Variants in TPRX1 observed in about 807,000 individuals in gnomAD.
TPRX1 encodes tetrapeptide repeat homeobox 1.
In TPRX1, 2 loss-of-function variants were observed where a neutral mutation model predicts 8.1. The observed-to-expected ratio is 0.25, with a 90% CI of 0.10 to 0.78. The LOEUF is 0.78. TPRX1 is among the 30% of genes least tolerant of loss of function. TPRX1 has a pLI of 0.70. For missense variants in TPRX1, 517 were observed against 586.9 expected, an observed-to-expected ratio of 0.88 and a Z score of 1.23; for synonymous variants, 257 against 254.1, an observed-to-expected ratio of 1.01 and a Z score of -0.11.
chr19:47,809,752 A>C (rs548056498), intron 2 of TPRX1, among the ~76,000 whole-genome samples: 4 of 152,056 alleles, frequency 2.6e-5, no homozygotes, highest in Non-Finnish European at 5.9e-5. Context: ...AGGACTCGTC[A>C]ACACCCTGCC....
At chr19:47,815,447 C>CCAGCCCACTGTGAGCTTTTCT (rs1568617524) in intron 2 of TPRX1, among the ~76,000 whole-genome samples, 4 of 149,358 alleles carry the variant, frequency 2.7e-5, no homozygotes, top group African/African-American at 9.7e-5. Context: ...GCCACCGCAC[C>CCAGCCCACTGTGAGCTTTTCT]TGGCTCAAAG....
chr19:47,811,419 G>A, intron 2 of TPRX1, among the ~76,000 whole-genome samples: 1 of 151,890 alleles, frequency 6.6e-6, no homozygotes, highest in East Asian at 1.9e-4. Context: ...AGTGTGAGCA[G>A]AGCCTTGTGG....
chr19:47,802,109 C>T (rs766511219), exon 4 of TPRX1: 2 of 1,585,904 alleles, frequency 1.3e-6, no homozygotes, highest in Non-Finnish European at 1.7e-6. Flanking sequence ...CGGGGCTAGG[C>T]CTGGAAGTGA....
At chr19:47,803,407 C>A (rs962460940) in intron 3 of TPRX1, 97 bp downstream of exon 2, 2 of 547,120 alleles carry the variant, frequency 3.7e-6, no homozygotes, top group Non-Finnish European at 6.7e-6. Flanking sequence ...CGTGGCAGGG[C>A]GGGAGGTGGT....
At chr19:47,816,800 G>A (rs1032260608) in intron 2 of TPRX1, among the ~76,000 whole-genome samples, 15 of 152,174 alleles carry the variant, frequency 9.9e-5, no homozygotes, top group African/African-American at 3.6e-4. Context: ...CCAAAGTGCT[G>A]GGATTACAGG....
At chr19:47,809,739 C>T (rs988110555) in intron 2 of TPRX1, among the ~76,000 whole-genome samples, 1 of 152,004 alleles carries the variant, frequency 6.6e-6, no homozygotes, top group African/African-American at 2.4e-5. Context: ...TGAATGCCAC[C>T]CTAGGACTCG....
intron 2 of TPRX1, among the ~76,000 whole-genome samples, chr19:47,811,524 C>T (rs1249115277): frequency 1.4e-4 from 20 of 138,166 alleles, no homozygotes; most frequent in African/African-American, 4.6e-4. Context: ...TTTGAGACAG[C>T]GTCTCACTCT....
chr19:47,815,121 T>TATATATATATGCAA (rs1177193922), intron 2 of TPRX1, among the ~76,000 whole-genome samples: 6 of 90,254 alleles, frequency 6.6e-5, no homozygotes, highest in South Asian at 3.8e-4. Flanking sequence ...AAATTATATA[T>TATATATATATGCAA]ATATATATAT....
chr19:47,814,248 T>C lies in TPRX1; in HGVS notation c.151+4220A>G, dbSNP rs868159076. On this transcript the variant is annotated intron_variant, in intron 2 of 3. Coordinates refer to ENST00000535759, the Ensembl canonical transcript of TPRX1. ...TTTTCGTATTTCAGTAGAGGCGGGG[T>C]TTCACCGTGTTGGCCAGGCTGGTCT... Among the ~76,000 whole-genome samples the C allele has an allele frequency of 4.0e-5, 6 of 151,150 alleles. No individual in the cohort carries two copies. In the South Asian group the frequency reaches 1.3e-3, roughly 32 times the overall value.
At chr19:47,817,988 G>A (rs969142279) in intron 2 of TPRX1, among the ~76,000 whole-genome samples, 3 of 152,230 alleles carry the variant, frequency 2.0e-5, no homozygotes, top group African/African-American at 4.8e-5. Flanking sequence ...CCTGGTAGAA[G>A]CAGGGATTCA....
At chr19:47,814,391 G>T (rs537277196) in intron 2 of TPRX1, among the ~76,000 whole-genome samples, 36 of 152,236 alleles carry the variant, frequency 2.4e-4, no homozygotes, top group African/African-American at 8.4e-4. Flanking sequence ...ATGCGCTGTG[G>T]CTCACGCCTG....
chr19:47,811,178 A>G (rs35211830), intron 2 of TPRX1, among the ~76,000 whole-genome samples: 39,241 of 150,108 alleles, frequency 0.26, 5,526 homozygotes, highest in Middle Eastern at 0.36. Context: ...TAATTTTTGT[A>G]TTTTTAGTAG....
chr19:47,811,241 T>C (rs543865293), intron 2 of TPRX1, among the ~76,000 whole-genome samples: 49 of 151,788 alleles, frequency 3.2e-4, no homozygotes, highest in Non-Finnish European at 6.8e-4. Context: ...TGACCTCAGG[T>C]GGTCAGCCCT....
At chr19:47,815,135 TATATATATGCAAATATATATATA>T (rs1967824576) in intron 2 of TPRX1, among the ~76,000 whole-genome samples, 2 of 114,100 alleles carry the variant, frequency 1.8e-5, no homozygotes, top group African/African-American at 6.8e-5. Flanking sequence ...TATATATATA[TATATATATGCAAATATATATATA>T]TATATTTTTT....
At chr19:47,808,050 C>T (rs1376714394) in intron 2 of TPRX1, among the ~76,000 whole-genome samples, 1 of 152,240 alleles carries the variant, frequency 6.6e-6, no homozygotes, top group Admixed American at 6.5e-5. Flanking sequence ...CAACCTCAGC[C>T]TCCTGAGTAG....
intron 2 of TPRX1, among the ~76,000 whole-genome samples, chr19:47,808,321 T>C (rs923021578): frequency 6.6e-6 from 1 of 151,884 alleles, no homozygotes; most frequent in Non-Finnish European, 1.5e-5. Context: ...CACTGTGTTG[T>C]CCAGGCTGGT....
At chr19:47,807,058 C>G (rs145839128) in intron 2 of TPRX1, among the ~76,000 whole-genome samples, 1 of 152,046 alleles carries the variant, frequency 6.6e-6, no homozygotes, top group Non-Finnish European at 1.5e-5. Flanking sequence ...GCATGCACCA[C>G]CACGCCCAGC....
downstream of TPRX1, chr19:47,801,233 G>A (rs899087003): frequency 2.0e-5 from 3 of 152,248 alleles, no homozygotes; most frequent in African/African-American, 7.2e-5. Context: ...GAAACAAAAT[G>A]CAAATAGGAA....
chr19:47,803,392 C>T lies in TPRX1; in HGVS notation c.321+112G>A, dbSNP rs1015282530. The T allele has an allele frequency of 4.0e-5, 27 of 680,188 alleles. No individual in the cohort carries two copies. The Admixed American group carries it at 6.2e-4, about 16-fold the overall frequency. The allele number at this position is 680,188 out of a possible 1,614,324, so 42.1% of individuals were successfully genotyped here. On this transcript the variant is annotated intron_variant, in intron 3 of 3. Transcript: ENST00000535759. ...AGCCCTGGTCTACACTGGCGGGACC[C>T]CTTGCGTGGCAGGGCGGGAGGTGGT...
Sources: gnomAD v4.1 joint callset for allele counts (sites outside exome capture counted in the v4.1 genomes callset) on GRCh38, gnomAD v4.1.1 for gene constraint, MANE v1.5 for transcripts, NCBI Gene and HGNC (gene_info 2026-07-23, HGNC 2026-07-21) for gene names.